Variants in PPP2R5E observed in about 807,000 individuals in gnomAD.
PPP2R5E encodes protein phosphatase 2 regulatory subunit B'epsilon.
A neutral mutation model predicts 65.3 loss-of-function variants in PPP2R5E; 4 were observed. The ratio of observed to expected loss-of-function variants is 0.06; its 90% CI spans 0.03 to 0.14. The LOEUF is 0.14. PPP2R5E is among the 10% of genes least tolerant of loss of function. The pLI is 1.00. For missense variants in PPP2R5E, 274 were observed against 556.1 expected, an observed-to-expected ratio of 0.49 and a Z score of 5.10; for synonymous variants, 183 against 187.4, an observed-to-expected ratio of 0.98 and a Z score of 0.19.
intron 2 of PPP2R5E, among the ~76,000 whole-genome samples, chr14:63,533,937 ACT>A (rs1893552885): frequency 6.6e-6 from 1 of 152,282 alleles, no homozygotes; most frequent in South Asian, 2.1e-4. Flanking sequence ...ACAGAGCGAG[ACT>A]CTGTCTCAGA....
chr14:63,407,422 T>C (rs1030139807), intron 5 of PPP2R5E, among the ~76,000 whole-genome samples: 1 of 152,154 alleles, frequency 6.6e-6, no homozygotes, highest in African/African-American at 2.4e-5. Context: ...GGTGCTATCA[T>C]ACAAAAATAG....
At chr14:63,476,185 C>T (rs569553677) in intron 2 of PPP2R5E, among the ~76,000 whole-genome samples, 1 of 152,134 alleles carries the variant, frequency 6.6e-6, no homozygotes, top group African/African-American at 2.4e-5. Context: ...CTAACTTAAA[C>T]CTGTATAATG....
In PPP2R5E at chr14:63,434,993, GC is replaced by G. The variant is rs569889995; in HGVS notation, c.355-12900del. 4.9e-4 allele frequency among the ~76,000 whole-genome samples: 74 copies of G among 152,214 alleles called. 1 individual carries two copies. In the South Asian group the frequency reaches 0.011, roughly 22 times the overall value. ...GAGTGTTAGGAACCATCAGAATTAT[GC>G]TTTTAAAAGATTATTTAATTACAGG... On this transcript the variant is annotated intron_variant, in intron 3 of 13. Coordinates refer to ENST00000337537, the MANE Select transcript of PPP2R5E (RefSeq NM_006246.5).
intron 2 of PPP2R5E, among the ~76,000 whole-genome samples, chr14:63,522,058 C>T (rs1005510214): frequency 6.7e-6 from 1 of 150,228 alleles, no homozygotes; most frequent in Non-Finnish European, 1.5e-5. Context: ...ATTCTCCTGC[C>T]TCAGCTTGCC....
intron 2 of PPP2R5E, among the ~76,000 whole-genome samples, chr14:63,502,000 T>G (rs1891915354): frequency 6.6e-6 from 1 of 152,270 alleles, no homozygotes; most frequent in Non-Finnish European, 1.5e-5. Flanking sequence ...GTTCAAGCAA[T>G]TCTTCTGTCT....
chr14:63,533,672 G>A (rs542164484), intron 2 of PPP2R5E, among the ~76,000 whole-genome samples: 1 of 152,242 alleles, frequency 6.6e-6, no homozygotes, highest in Non-Finnish European at 1.5e-5. Flanking sequence ...GGCCGGGCGC[G>A]GTGGCTCATG....
chr14:63,393,192 C>T (rs1885124989), intron 8 of PPP2R5E, among the ~76,000 whole-genome samples: 1 of 152,194 alleles, frequency 6.6e-6, no homozygotes, highest in Non-Finnish European at 1.5e-5. Flanking sequence ...CAAAGATCTA[C>T]ATCTGCTAAG....
chr14:63,521,744 A>G (rs1025592932), intron 2 of PPP2R5E, among the ~76,000 whole-genome samples: 14 of 152,232 alleles, frequency 9.2e-5, no homozygotes, highest in Non-Finnish European at 1.6e-4. Flanking sequence ...AACACCTCAC[A>G]GAACAGGGAA....
intron 2 of PPP2R5E, among the ~76,000 whole-genome samples, chr14:63,502,232 T>C (rs1272093501): frequency 6.6e-6 from 1 of 151,866 alleles, no homozygotes; most frequent in African/African-American, 2.4e-5. Flanking sequence ...CTACATAGCA[T>C]GAAGCAGAGG....
At chr14:63,425,446 C>T (rs56262466) in intron 3 of PPP2R5E, among the ~76,000 whole-genome samples, 7,150 of 152,158 alleles carry the variant, frequency 0.047, 578 homozygotes, top group African/African-American at 0.16. Context: ...GTCATTTATA[C>T]GTACTACACT....
intron 2 of PPP2R5E, among the ~76,000 whole-genome samples, chr14:63,500,347 C>T (rs1891805004): frequency 6.6e-6 from 1 of 152,150 alleles, no homozygotes; most frequent in African/African-American, 2.4e-5. Context: ...AATAAATACA[C>T]CAAGGTGCCA....
chr14:63,462,928 C>G (rs996963182), intron 2 of PPP2R5E, among the ~76,000 whole-genome samples: 1 of 151,486 alleles, frequency 6.6e-6, no homozygotes, highest in Admixed American at 6.6e-5. Context: ...CATAGAGAAA[C>G]TCTATCTCTA....
chr14:63,386,416 T>C (rs1256816597), intron 11 of PPP2R5E, among the ~76,000 whole-genome samples: 1 of 152,204 alleles, frequency 6.6e-6, no homozygotes, highest in Non-Finnish European at 1.5e-5. Flanking sequence ...GGCTAGTAAG[T>C]GGCAGATTCC....
chr14:63,389,499 G>A, intron 11 of PPP2R5E, 113 bp downstream of exon 11: 1 of 1,226,806 alleles, frequency 8.2e-7, no homozygotes, highest in East Asian at 2.7e-5. Flanking sequence ...CATCATGTGA[G>A]GGGATAGCAA....
intron 2 of PPP2R5E, among the ~76,000 whole-genome samples, chr14:63,465,450 CAAAAAAAAAA>C (rs1171345415): frequency 6.3e-5 from 3 of 47,418 alleles, no homozygotes; most frequent in Non-Finnish European, 8.7e-5. Context: ...TCCACCTCTA[CAAAAAAAAAA>C]AAAAAAAAAA....
chr14:63,384,625 C>CA, intron 11 of PPP2R5E, 54 bp from the exon 12 acceptor site: 1 of 1,451,396 alleles, frequency 6.9e-7, no homozygotes, highest in South Asian at 1.3e-5. Context: ...AAAGATAAAA[C>CA]AAAATTATAA....
chr14:63,437,962 T>C (rs1412281452), intron 3 of PPP2R5E, among the ~76,000 whole-genome samples: 1 of 152,156 alleles, frequency 6.6e-6, no homozygotes, highest in Non-Finnish European at 1.5e-5. Flanking sequence ...CACCTCTCTC[T>C]ACTCATCACA....
chr14:63,394,060 T>A, intron 7 of PPP2R5E, 132 bp from the exon 8 acceptor site: 1 of 407,378 alleles, frequency 2.5e-6, no homozygotes. Flanking sequence ...CCAGTGGCAT[T>A]CAGAATTTCC....
At chr14:63,482,818 C>T (rs187190317) in intron 2 of PPP2R5E, among the ~76,000 whole-genome samples, 3 of 152,198 alleles carry the variant, frequency 2.0e-5, no homozygotes, top group Admixed American at 2.0e-4. Context: ...TTTAATTTAC[C>T]CAAGGCCTAC....
Sources: gnomAD v4.1 joint callset for allele counts (sites outside exome capture counted in the v4.1 genomes callset) on GRCh38, gnomAD v4.1.1 for gene constraint, MANE v1.5 for transcripts, NCBI Gene and HGNC (gene_info 2026-07-23, HGNC 2026-07-21) for gene names.